The following ANKRD55 variants were observed in gnomAD, a reference collection of about 807,000 sequenced individuals.
ANKRD55 encodes the protein ankyrin repeat domain 55, also known as ankyrin repeat domain-containing protein 55.
ANKRD55 carries 41 observed loss-of-function variants against 60.6 expected under a neutral mutation model. That is an observed-to-expected ratio of 0.68 (90% confidence interval 0.53 to 0.88). The LOEUF is 0.88. Ranked by LOEUF, ANKRD55 falls within the 40% of genes least tolerant of loss-of-function variation. The pLI, the probability that ANKRD55 is intolerant of heterozygous loss-of-function variation, is 0.00. For missense variants in ANKRD55, 732 were observed against 767.6 expected (o/e 0.95, Z 0.55); for synonymous variants, 264 against 290.3 (o/e 0.91, Z 0.92).
chr5:56,159,781 C>A (rs983645562), intron 6 of ANKRD55, 52 bp downstream of exon 6: 4 of 1,580,232 alleles, frequency 2.5e-6, no homozygotes, highest in Middle Eastern at 1.9e-4. Flanking sequence ...AACGCCCTTC[C>A]TTTCACCCTC....
chr5:56,103,496 G>A lies in ANKRD55; in HGVS notation c.1631-910C>T, dbSNP rs1001963922. 3.9e-5 allele frequency among the ~76,000 whole-genome samples: 6 copies of A among 152,310 alleles called. No homozygotes were observed. In the East Asian group the frequency reaches 7.7e-4, roughly 20 times the overall value. On this transcript the variant is annotated intron_variant, in intron 10 of 11. Transcript: ENST00000341048. ...AATTGACTGGATGGTGTCATGAATAGGAGCTTGGTTGGGCTCTGGGGTCAA... is the reference window on the plus strand; with the variant it reads ...AATTGACTGGATGGTGTCATGAATAAGAGCTTGGTTGGGCTCTGGGGTCAA...
chr5:56,153,783 G>C (rs1283546243), intron 6 of ANKRD55, among the ~76,000 whole-genome samples: 1 of 151,660 alleles, frequency 6.6e-6, no homozygotes, highest in African/African-American at 2.4e-5. Flanking sequence ...GTTGCAGTGA[G>C]CCGAGATCGC....
At chr5:56,198,411 G>A (rs766728033) in intron 2 of ANKRD55, among the ~76,000 whole-genome samples, 3 of 151,474 alleles carry the variant, frequency 2.0e-5, no homozygotes, top group African/African-American at 4.9e-5. Flanking sequence ...TCAGCCTCCC[G>A]AGTAGCTGGG....
chr5:56,112,512 A>AAAAAAAAAAAAAAACAAAAAAAAAAC (rs1756760168), intron 9 of ANKRD55, among the ~76,000 whole-genome samples: 1 of 111,442 alleles, frequency 9.0e-6, no homozygotes, highest in African/African-American at 4.2e-5. Flanking sequence ...AGCAAAAAAA[A>AAAAAAAAAAAAAAACAAAAAAAAAAC]AAAAAAAAAA....
At chr5:56,212,922 GA>G (rs1759712313) in intron 2 of ANKRD55, among the ~76,000 whole-genome samples, 1 of 152,018 alleles carries the variant, frequency 6.6e-6, no homozygotes, top group Non-Finnish European at 1.5e-5. Context: ...ACATAAGGGG[GA>G]AAATAATTCA....
intron 6 of ANKRD55, among the ~76,000 whole-genome samples, chr5:56,146,263 C>T (rs142873122): frequency 9.3e-4 from 141 of 151,714 alleles, no homozygotes; most frequent in Non-Finnish European, 1.1e-3. Context: ...ATTAACGGAA[C>T]GAATGACTTA....
chr5:56,109,076 CACA>C lies in ANKRD55; in HGVS notation c.1630+2039_1630+2041del, dbSNP rs1561249597. 4.9e-3 allele frequency among the ~76,000 whole-genome samples: 737 copies of C among 151,582 alleles called. 4 individuals are homozygous for C. Among genetic ancestry groups the C allele is most frequent in the African/African-American group, 0.016 (677 of 41,378 alleles). ...ACACACACACACACACACACACACA[CACA>C]CCCCACCGCCCAACAAAAACCCCCA... On this transcript the variant is annotated intron_variant, in intron 10 of 11. Transcript: ENST00000341048.
chr5:56,126,889 A>G, intron 8 of ANKRD55, 33 bp downstream of exon 8: 2 of 1,570,858 alleles, frequency 1.3e-6, no homozygotes, highest in Non-Finnish European at 1.7e-6. Flanking sequence ...GGAAATGACT[A>G]GTTTCCCAGC....
intron 2 of ANKRD55, among the ~76,000 whole-genome samples, chr5:56,202,530 G>A (rs775891358): frequency 6.6e-6 from 1 of 152,162 alleles, no homozygotes; most frequent in Non-Finnish European, 1.5e-5. Flanking sequence ...GTTTTAGAAA[G>A]TGTCAGTCAT....
At chr5:56,150,657 G>A (rs13166301) in intron 6 of ANKRD55, among the ~76,000 whole-genome samples, 2 of 152,074 alleles carry the variant, frequency 1.3e-5, no homozygotes, top group Admixed American at 6.5e-5. Flanking sequence ...CAGCCCTTTA[G>A]GAGGCCAAGG....
At chr5:56,230,844 G>A (rs1347393642) in intron 2 of ANKRD55, among the ~76,000 whole-genome samples, 1 of 152,246 alleles carries the variant, frequency 6.6e-6, no homozygotes, top group Non-Finnish European at 1.5e-5. Flanking sequence ...AAGGTAGAGA[G>A]ATGAGTAGTC....
intron 9 of ANKRD55, among the ~76,000 whole-genome samples, chr5:56,115,716 T>C (rs1318859782): frequency 1.3e-5 from 2 of 152,182 alleles, no homozygotes; most frequent in African/African-American, 2.4e-5. Flanking sequence ...TATTTTTGTT[T>C]TGGGAAATAG....
At chr5:56,148,377 A>C (rs140766341) in intron 6 of ANKRD55, among the ~76,000 whole-genome samples, 1 of 152,332 alleles carries the variant, frequency 6.6e-6, no homozygotes, top group East Asian at 1.9e-4. Context: ...CTCTTCTGAA[A>C]ATCAAAAAGT....
chr5:56,170,645 C>A, intron 5 of ANKRD55, 49 bp downstream of exon 5: 1 of 1,449,876 alleles, frequency 6.9e-7, no homozygotes, highest in Non-Finnish European at 9.7e-7. Context: ...CCTTCTCATA[C>A]AAGTTGAGTC....
chr5:56,222,492 G>A (rs913844482), intron 2 of ANKRD55, among the ~76,000 whole-genome samples: 7 of 152,218 alleles, frequency 4.6e-5, no homozygotes, highest in African/African-American at 1.4e-4. Context: ...AAAGCTGGAC[G>A]GAGAATGACT....
At chr5:56,205,235 A>G (rs1759472894) in intron 2 of ANKRD55, among the ~76,000 whole-genome samples, 1 of 151,776 alleles carries the variant, frequency 6.6e-6, no homozygotes, top group African/African-American at 2.4e-5. Flanking sequence ...TAATTTTTGT[A>G]TTTTTAGTAG....
intron 7 of ANKRD55, among the ~76,000 whole-genome samples, chr5:56,134,037 A>C (rs960251540): frequency 1.7e-5 from 2 of 114,456 alleles, no homozygotes; most frequent in African/African-American, 2.8e-5. Flanking sequence ...AAGATTAATA[A>C]AAGTGATAAG....
chr5:56,129,492 T>C (rs6869556), intron 7 of ANKRD55, among the ~76,000 whole-genome samples: 10,249 of 152,200 alleles, frequency 0.067, 825 homozygotes, highest in African/African-American at 0.19. Context: ...TCTCTTTACC[T>C]GTCATGAGTG....
At chr5:56,219,617 T>C (rs1759913602) in intron 2 of ANKRD55, among the ~76,000 whole-genome samples, 1 of 152,226 alleles carries the variant, frequency 6.6e-6, no homozygotes, top group African/African-American at 2.4e-5. Context: ...ATAAGGGAAT[T>C]CTCAAACACA....
Sources: allele counts gnomAD v4.1 joint callset (sites outside exome capture counted in the v4.1 genomes callset), GRCh38; gene constraint gnomAD v4.1.1; transcripts MANE v1.5; gene names NCBI Gene and HGNC (gene_info 2026-07-23, HGNC 2026-07-21).